CHST11: variants seen among roughly 807,000 people sequenced by gnomAD.
CHST11 encodes C4S-1.
In CHST11, 9 loss-of-function variants were observed where a neutral mutation model predicts 30.4. That is an observed-to-expected ratio of 0.30 (90% CI 0.18 to 0.52). The LOEUF (loss-of-function observed/expected upper bound fraction) is 0.52. Among genes scored for constraint, CHST11 ranks in the 20% least tolerant of loss-of-function variants. CHST11 has a pLI of 0.97. For missense variants in CHST11, 348 were observed against 460.6 expected, an observed-to-expected ratio of 0.76 and a Z score of 2.24; for synonymous variants, 152 against 187.8, an observed-to-expected ratio of 0.81 and a Z score of 1.56.
At chr12:104,583,597 T>C (rs7314958) in intron 1 of CHST11, among the ~76,000 whole-genome samples, 53,021 of 152,114 alleles carry the variant, frequency 0.35, 10,114 homozygotes, top group Non-Finnish European at 0.44. Context: ...CCTGCTTTTA[T>C]CTCCCTTACC....
intron 2 of CHST11, among the ~76,000 whole-genome samples, chr12:104,703,903 A>G (rs1334879622): frequency 6.6e-6 from 1 of 152,186 alleles, no homozygotes; most frequent in Non-Finnish European, 1.5e-5. Flanking sequence ...TTGAGGATGG[A>G]TGAGTTTGCA....
intron 1 of CHST11, among the ~76,000 whole-genome samples, chr12:104,547,229 A>G (rs981641773): frequency 6.6e-6 from 1 of 152,192 alleles, no homozygotes; most frequent in Non-Finnish European, 1.5e-5. Context: ...AGCCCCAGAA[A>G]GGGAGGTGTG....
chr12:104,660,144 A>G (rs1487260449), intron 2 of CHST11, among the ~76,000 whole-genome samples: 1 of 152,186 alleles, frequency 6.6e-6, no homozygotes, highest in East Asian at 1.9e-4. Flanking sequence ...TTATCGCTGT[A>G]TCCCAGCACC....
intron 2 of CHST11, among the ~76,000 whole-genome samples, chr12:104,728,766 C>T (rs2040234544): frequency 1.3e-5 from 2 of 152,150 alleles, no homozygotes; most frequent in African/African-American, 4.8e-5. Context: ...TCCTGGGTCC[C>T]ACCAGCTCTT....
chr12:104,713,022 A>G (rs1211557898), intron 2 of CHST11, among the ~76,000 whole-genome samples: 1 of 152,108 alleles, frequency 6.6e-6, no homozygotes, highest in Non-Finnish European at 1.5e-5. Flanking sequence ...CACTCATTAA[A>G]CAAGTCCAAC....
intron 1 of CHST11, among the ~76,000 whole-genome samples, chr12:104,478,417 C>T (rs1301534298): frequency 6.6e-6 from 1 of 152,216 alleles, no homozygotes; most frequent in Non-Finnish European, 1.5e-5. Flanking sequence ...AGGTCCACGT[C>T]CCTAAGCCTT....
chr12:104,757,300 C>G lies in CHST11; in HGVS notation c.556C>G (p.Arg186Gly). 6.2e-7 allele frequency: 1 copy of G among 1,614,072 alleles called. No individual in the cohort carries two copies. The highest frequency in any genetic ancestry group is 8.5e-7 in the Non-Finnish European group (1 of 1,180,000). ...AAGCTACATGAAGTTCCTGTTTGTC[C>G]GGGAGCCCTTCGAGAGGCTAGTGTC... is the stretch of plus-strand genomic sequence containing the variant. ...LKSYMKFLFV[R>G]EPFERLVSAY... Residue 186 changes from arginine to glycine, a missense_variant, in exon 3 of 3, where the codon CGG becomes GGG. Coordinates refer to ENST00000303694, the MANE Select transcript of CHST11 (RefSeq NM_018413.6). The surrounding 1 kb of genome is among the most constrained non-coding windows in gnomAD (Gnocchi z 6.5).
At chr12:104,485,286 T>C (rs940468183) in intron 1 of CHST11, among the ~76,000 whole-genome samples, 1 of 152,192 alleles carries the variant, frequency 6.6e-6, no homozygotes, top group African/African-American at 2.4e-5. Context: ...AGATTGACTC[T>C]TATAAAAAAT....
At position 104,729,298 on chromosome 12, in the gene CHST11, G is replaced by A. The variant is rs186551402; in HGVS notation, c.205-27651G>A. ...CTACAGCTTCCTCCCCTGTGAAATCGTGCTTCCTGTCCTGACCATCTTATC... is the reference window on the plus strand; with the variant it reads ...CTACAGCTTCCTCCCCTGTGAAATCATGCTTCCTGTCCTGACCATCTTATC... On this transcript the variant is annotated intron_variant, in intron 2 of 2. Transcript: ENST00000303694. The surrounding 1 kb of genome is among the most constrained non-coding windows in gnomAD (Gnocchi z 4.0). Among the ~76,000 whole-genome samples the A allele has an allele frequency of 3.3e-5, 5 of 152,270 alleles. No individual in the cohort carries two copies. Among genetic ancestry groups the A allele is most frequent in the East Asian group, 1.9e-4 (1 of 5,172 alleles).
At chr12:104,738,315 TC>T in intron 2 of CHST11, among the ~76,000 whole-genome samples, 1 of 152,306 alleles carries the variant, frequency 6.6e-6, no homozygotes, top group Middle Eastern at 3.4e-3. Flanking sequence ...AAGGCTGCAC[TC>T]CCTGTTCCCC....
At chr12:104,482,014 A>G (rs539209873) in intron 1 of CHST11, among the ~76,000 whole-genome samples, 5 of 151,172 alleles carry the variant, frequency 3.3e-5, no homozygotes, top group South Asian at 2.1e-4. Flanking sequence ...ATTTTATTGT[A>G]TATATATATA....
intron 1 of CHST11, among the ~76,000 whole-genome samples, chr12:104,535,532 G>A (rs2038228678): frequency 6.6e-6 from 1 of 152,190 alleles, no homozygotes; most frequent in Admixed American, 6.5e-5. Flanking sequence ...CACAGGCAAT[G>A]TGGAATGTTG....
rs2040529691 is a variant in CHST11, at chr12:104,761,890, T to G, written c.*4087T>G. 2 of 152,364 alleles carry G rather than the reference T, an allele frequency of 1.3e-5. No individual in the cohort carries two copies. The highest frequency in any genetic ancestry group is 4.1e-4 in the South Asian group (2 of 4,828). 9.4% of individuals were successfully genotyped at this position (152,364 alleles called of 1,614,324 possible). A position where few individuals can be genotyped will look rare whatever the true frequency, so the allele number is the denominator to read the frequency against. On this transcript the variant is annotated 3_prime_UTR_variant, in exon 3 of 3. Coordinates refer to ENST00000303694, the MANE Select transcript of CHST11 (RefSeq NM_018413.6). ...CGCTCCCTGTATCTTGCTGTACTGT[T>G]AAAGAAAGCTGAATTCCACATTGCC...
intron 1 of CHST11, among the ~76,000 whole-genome samples, chr12:104,594,650 T>C (rs2038891074): frequency 6.6e-6 from 1 of 152,230 alleles, no homozygotes; most frequent in African/African-American, 2.4e-5. Context: ...CTAAGTTTCT[T>C]CTTTTGCATT....
chr12:104,635,707 C>T (rs979423649), intron 2 of CHST11, among the ~76,000 whole-genome samples: 4 of 152,212 alleles, frequency 2.6e-5, no homozygotes, highest in African/African-American at 9.6e-5. Context: ...AGGAAGAGTT[C>T]ATCAGTGCTG....
At chr12:104,756,254 C>T (rs1327028056) in intron 2 of CHST11, among the ~76,000 whole-genome samples, 2 of 152,182 alleles carry the variant, frequency 1.3e-5, no homozygotes, top group East Asian at 1.9e-4. Context: ...GTGCTGGAGA[C>T]GCAGGTGGTG....
chr12:104,704,231 C>T (rs2040014067), intron 2 of CHST11, among the ~76,000 whole-genome samples: 1 of 152,252 alleles, frequency 6.6e-6, no homozygotes, highest in Non-Finnish European at 1.5e-5. Context: ...CCTCCCCCCA[C>T]TGTCTGTGTC....
intron 2 of CHST11, among the ~76,000 whole-genome samples, chr12:104,637,650 C>T (rs1354188070): frequency 6.6e-6 from 1 of 152,204 alleles, no homozygotes; most frequent in African/African-American, 2.4e-5. Flanking sequence ...CTAGCCCCTG[C>T]CTGCCTTCCA....
chr12:104,668,797 C>T (rs1301774701), intron 2 of CHST11, among the ~76,000 whole-genome samples: 1 of 152,192 alleles, frequency 6.6e-6, no homozygotes, highest in Non-Finnish European at 1.5e-5. Context: ...TAGTCACAGC[C>T]CTCAGCAAAC....
Sources: allele counts gnomAD v4.1 joint callset (sites outside exome capture counted in the v4.1 genomes callset), GRCh38; gene constraint gnomAD v4.1.1; non-coding constraint Gnocchi (gnomAD v3.1); transcripts MANE v1.5; gene names NCBI Gene and HGNC (gene_info 2026-07-23, HGNC 2026-07-21).